Variants in SLC25A30 observed in about 807,000 individuals in gnomAD.
SLC25A30 encodes solute carrier family 25 member 30.
Under a neutral mutation model 42.7 loss-of-function variants are expected in SLC25A30, and 29 were observed. The observed-to-expected ratio is 0.68, with a 90% CI of 0.51 to 0.93. The LOEUF is 0.93. Ranked by LOEUF, SLC25A30 falls within the 40% of genes least tolerant of loss-of-function variation. The pLI is 0.00. For missense variants in SLC25A30, 300 were observed against 359.7 expected (o/e 0.83, Z 1.34); for synonymous variants, 124 against 131.0 (o/e 0.95, Z 0.37).
At chr13:45,427,550 C>T in the SLC25A30 span, among the ~76,000 whole-genome samples, 1 of 152,142 alleles carries the variant, frequency 6.6e-6, no homozygotes, top group Non-Finnish European at 1.5e-5. Context: ...CCCCATCTCC[C>T]TTTCACTCAA....
chr13:45,425,004 A>AG, the SLC25A30 span, among the ~76,000 whole-genome samples: 1 of 35,124 alleles, frequency 2.8e-5, no homozygotes, highest in Non-Finnish European at 4.3e-5. Flanking sequence ...AAATATATAA[A>AG]TATATATAAA....
the SLC25A30 span, among the ~76,000 whole-genome samples, chr13:45,426,072 A>T: frequency 6.7e-6 from 1 of 148,454 alleles, no homozygotes; most frequent in Non-Finnish European, 1.5e-5. Flanking sequence ...ATATATATAC[A>T]TTTAAATATA....
intron 1 of SLC25A30, 23 bp from the exon 2 acceptor site, chr13:45,411,503 A>G (rs1883028191): frequency 1.4e-6 from 2 of 1,435,188 alleles, no homozygotes; most frequent in Admixed American, 1.8e-5. Flanking sequence ...ATAAGATATT[A>G]TCAAGCTGTA....
intron 2 of SLC25A30, 82 bp downstream of exon 2, chr13:45,411,280 C>G: frequency 9.3e-7 from 1 of 1,071,568 alleles, no homozygotes; most frequent in East Asian, 2.4e-5. Flanking sequence ...TTCATCATCT[C>G]ACATTCTACA....
intron 5 of SLC25A30, among the ~76,000 whole-genome samples, chr13:45,403,781 C>T (rs1435317966): frequency 4.0e-5 from 6 of 151,686 alleles, no homozygotes; most frequent in African/African-American, 1.5e-4. Flanking sequence ...ACTAAAAATA[C>T]AAAAATTAGC....
chr13:45,419,269 A>G (rs376520831), upstream of SLC25A30, among the ~76,000 whole-genome samples: 242 of 150,750 alleles, frequency 1.6e-3, 1 homozygote, highest in Non-Finnish European at 2.5e-3. Context: ...AATATATAAC[A>G]TTTTTAACGG....
At chr13:45,414,841 C>G (rs1313044063) in intron 1 of SLC25A30, among the ~76,000 whole-genome samples, 1 of 151,424 alleles carries the variant, frequency 6.6e-6, no homozygotes, top group Non-Finnish European at 1.5e-5. Flanking sequence ...TCGTGAAACA[C>G]TTCCTTGAAT....
the SLC25A30 span, among the ~76,000 whole-genome samples, chr13:45,428,295 G>A: frequency 6.6e-6 from 1 of 150,980 alleles, no homozygotes; most frequent in Admixed American, 6.6e-5. Flanking sequence ...TGCAACCTCT[G>A]CCTCCCAGGT....
the SLC25A30 span, among the ~76,000 whole-genome samples, chr13:45,424,168 T>TAAATATATATAAATATAC: frequency 1.0e-5 from 1 of 98,238 alleles, no homozygotes; most frequent in South Asian, 3.7e-4. Context: ...TAGAAATATA[T>TAAATATATATAAATATAC]CAATATATAT....
At chr13:45,425,304 A>C in the SLC25A30 span, among the ~76,000 whole-genome samples, 11 of 98,748 alleles carry the variant, frequency 1.1e-4, no homozygotes, top group Admixed American at 1.4e-3. Context: ...ATATACGTAT[A>C]TATAAATATA....
chr13:45,424,738 AATATT>A, the SLC25A30 span, among the ~76,000 whole-genome samples: 1 of 68,698 alleles, frequency 1.5e-5, no homozygotes, highest in African/African-American at 5.5e-5. Flanking sequence ...AATATGTATA[AATATT>A]ATATCTATTT....
intron 3 of SLC25A30, among the ~76,000 whole-genome samples, chr13:45,407,667 TC>T (rs1340293434): frequency 5.9e-5 from 9 of 152,328 alleles, no homozygotes; most frequent in Non-Finnish European, 8.8e-5. Flanking sequence ...CATTTAGATG[TC>T]CTGTGTATAC....
rs1881171630 is a variant in SLC25A30, at chr13:45,394,479, C to T, written c.*1495G>A. ...CGCACTACTGTGGAAGGAGAATGCC[C>T]TGGAGCCCCAGCTAACATGTATTTA... On this transcript the variant is annotated 3_prime_UTR_variant, in exon 10 of 10. Transcript: ENST00000519676. The T allele has an allele frequency of 5.1e-6, 5 of 985,378 alleles. No homozygotes were observed. Among genetic ancestry groups the T allele is most frequent in the Non-Finnish European group, 6.0e-6 (5 of 829,936 alleles). 61.0% of individuals were successfully genotyped at this position (985,378 alleles called of 1,614,324 possible).
At chr13:45,404,287 A>G (rs1162004465) in intron 5 of SLC25A30, 40 bp downstream of exon 5, 1 of 1,345,612 alleles carries the variant, frequency 7.4e-7, no homozygotes, top group South Asian at 1.2e-5. Context: ...CAATAAGAAA[A>G]TGTGGAATGT....
chr13:45,425,841 C>T, the SLC25A30 span, among the ~76,000 whole-genome samples: 3 of 145,400 alleles, frequency 2.1e-5, no homozygotes, highest in Non-Finnish European at 4.5e-5. Flanking sequence ...TACAGGTGCC[C>T]GCCAGCATGC....
chr13:45,399,573 G>A (rs1467438476), intron 7 of SLC25A30, among the ~76,000 whole-genome samples: 3 of 152,104 alleles, frequency 2.0e-5, no homozygotes, highest in African/African-American at 4.8e-5. Flanking sequence ...TATCTAGAGA[G>A]CTTGATAAAC....
At chr13:45,428,797 A>G in the SLC25A30 span, among the ~76,000 whole-genome samples, 1 of 151,930 alleles carries the variant, frequency 6.6e-6, no homozygotes, top group East Asian at 1.9e-4. Context: ...CAGGGATTAC[A>G]GGTGTGAGCC....
At chr13:45,414,935 T>C (rs1382645398) in intron 1 of SLC25A30, among the ~76,000 whole-genome samples, 1 of 152,158 alleles carries the variant, frequency 6.6e-6, no homozygotes, top group African/African-American at 2.4e-5. Flanking sequence ...GAGAGATTAA[T>C]GTGTCCTTAG....
chr13:45,419,370 G>A (rs1883812659), upstream of SLC25A30, among the ~76,000 whole-genome samples: 1 of 151,110 alleles, frequency 6.6e-6, no homozygotes, highest in Non-Finnish European at 1.5e-5. Context: ...CCAGGCTGGA[G>A]TGCAATGGCA....
Sources: allele counts gnomAD v4.1 joint callset (sites outside exome capture counted in the v4.1 genomes callset), GRCh38; gene constraint gnomAD v4.1.1; transcripts MANE v1.5; gene names NCBI Gene and HGNC (gene_info 2026-07-23, HGNC 2026-07-21).